CEP295: variants seen among roughly 807,000 people sequenced by gnomAD.
The protein encoded by CEP295 is centrosomal protein 295.
CEP295 carries 190 observed loss-of-function variants against 291.6 expected under a neutral mutation model. The observed-to-expected ratio is 0.65, with a 90% CI of 0.58 to 0.73. The LOEUF (loss-of-function observed/expected upper bound fraction) is 0.73. Among genes scored for constraint, CEP295 ranks in the 30% least tolerant of loss-of-function variants. CEP295 has a pLI of 0.00. For synonymous variants in CEP295, 993 were observed against 1,038.8 expected (o/e 0.96, Z 0.85); for missense variants, 2,863 against 2,949.4 (o/e 0.97, Z 0.68).
intron 7 of CEP295, among the ~76,000 whole-genome samples, chr11:93,682,068 T>C (rs1951002591): frequency 6.6e-6 from 1 of 152,140 alleles, no homozygotes; most frequent in African/African-American, 2.4e-5. Context: ...CAAACAACTT[T>C]AGATAATTAG....
At chr11:93,721,180 AAC>A in intron 18 of CEP295, 130 bp from the exon 19 acceptor site, 1 of 619,940 alleles carries the variant, frequency 1.6e-6, no homozygotes. Context: ...AAGACAAGAC[AAC>A]TTTAAGAAGC....
chr11:93,728,647 T>G, intron 24 of CEP295, 34 bp from the exon 25 acceptor site: 1 of 1,502,354 alleles, frequency 6.7e-7, no homozygotes. Flanking sequence ...TAAGGCTATT[T>G]TGACATGGTT....
At chr11:93,665,535 C>A (rs1467974883) in intron 1 of CEP295, among the ~76,000 whole-genome samples, 1 of 152,012 alleles carries the variant, frequency 6.6e-6, no homozygotes, top group East Asian at 1.9e-4. Flanking sequence ...TGGTGAACCC[C>A]TGTCTCTACT....
intron 12 of CEP295, among the ~76,000 whole-genome samples, chr11:93,694,042 T>A (rs1951730339): frequency 6.6e-6 from 1 of 152,178 alleles, no homozygotes; most frequent in African/African-American, 2.4e-5. Flanking sequence ...GGGGCTCCTA[T>A]GAGTAAGGGA....
intron 13 of CEP295, among the ~76,000 whole-genome samples, chr11:93,696,020 C>CT (rs1003249725): frequency 1.2e-4 from 19 of 152,066 alleles, no homozygotes; most frequent in African/African-American, 4.3e-4. Flanking sequence ...CTTATTTGGT[C>CT]TTTTTTTGAT....
intron 19 of CEP295, 144 bp from the exon 20 acceptor site, chr11:93,721,810 A>G (rs1195550355): frequency 2.7e-6 from 2 of 728,320 alleles, no homozygotes; most frequent in Admixed American, 3.7e-5. Context: ...CAATGATGAA[A>G]AGGTTTTACT....
At chr11:93,688,160 G>T (rs1014976608) in intron 10 of CEP295, among the ~76,000 whole-genome samples, 2 of 152,104 alleles carry the variant, frequency 1.3e-5, no homozygotes, top group African/African-American at 4.8e-5. Flanking sequence ...TTGTGCTACA[G>T]TGGGCATCCT....
At chr11:93,729,145 T>A in intron 25 of CEP295, 1 of 498,566 alleles carries the variant, frequency 2.0e-6, no homozygotes, top group South Asian at 3.3e-5. Flanking sequence ...AACTGGTAAT[T>A]TTACTAGGGG....
chr11:93,727,757 G>T (rs1954266926), intron 24 of CEP295, 120 bp downstream of exon 24: 1 of 757,588 alleles, frequency 1.3e-6, no homozygotes, highest in Non-Finnish European at 2.1e-6. Context: ...CAAACTCCTA[G>T]GATCAAGGGA....
intron 17 of CEP295, among the ~76,000 whole-genome samples, chr11:93,703,886 A>G (rs1952349154): frequency 6.7e-6 from 1 of 149,540 alleles, no homozygotes; most frequent in African/African-American, 2.5e-5. Context: ...CTCCTGCCTC[A>G]GCCTCCCGAG....
intron 5 of CEP295, among the ~76,000 whole-genome samples, chr11:93,674,390 CTG>C (rs1950590859): frequency 1.3e-5 from 2 of 152,130 alleles, no homozygotes; most frequent in African/African-American, 2.4e-5. Flanking sequence ...CCCTCCCAAC[CTG>C]TGTTGCATTT....
At position 93,729,255 on chromosome 11, in the gene CEP295, C is replaced by T. The variant is rs969617375; in HGVS notation, c.7303-179C>T. The T allele has an allele frequency of 1.6e-5, 10 of 611,658 alleles. No homozygotes were observed. The Admixed American group carries it at 2.6e-4, about 16-fold the overall frequency. The allele number at this position is 611,658 out of a possible 1,614,324, so 37.9% of individuals were successfully genotyped here. On this transcript the variant is annotated intron_variant, in intron 25 of 29. Coordinates refer to ENST00000325212, the MANE Select transcript of CEP295 (RefSeq NM_033395.2). ...TTCAAGACCAGCCTGGGCAACAAGGCAAAACCCAATCCCTACAAAAAATAC... is the reference window on the plus strand; with the variant it reads ...TTCAAGACCAGCCTGGGCAACAAGGTAAAACCCAATCCCTACAAAAAATAC...
chr11:93,696,252 G>A (rs531001979), intron 13 of CEP295, 68 bp from the exon 14 acceptor site: 1 of 847,074 alleles, frequency 1.2e-6, no homozygotes, highest in South Asian at 1.6e-5. Context: ...TTATAGAACT[G>A]TATGTAAAAA....
chr11:93,714,534 C>A (rs939523296), intron 18 of CEP295, among the ~76,000 whole-genome samples: 59 of 152,244 alleles, frequency 3.9e-4, no homozygotes, highest in African/African-American at 1.4e-3. Context: ...CAGGCGTGAG[C>A]CACCATGCCC....
At chr11:93,705,098 ACT>A (rs1257798733) in intron 17 of CEP295, among the ~76,000 whole-genome samples, 2 of 151,664 alleles carry the variant, frequency 1.3e-5, no homozygotes, top group South Asian at 2.1e-4. Context: ...CTGTCTTTCC[ACT>A]CTCTACTACT....
In CEP295 at chr11:93,729,673, A is replaced by G. The variant is rs1938116429; in HGVS notation, c.7459A>G (p.Lys2487Glu). The G allele has an allele frequency of 3.9e-6, 6 of 1,551,028 alleles. No individual in the cohort carries two copies. The highest frequency in any genetic ancestry group is 5.2e-6 in the Non-Finnish European group (6 of 1,146,684). Residue 2487 changes from lysine (K) to glutamate (E), a missense_variant, in exon 27 of 30, where the codon AAA becomes GAA. Transcript: ENST00000325212. ...GSLQEAFIKR[K>E]KSFMERSHQR... ...CTTACAAGAAGCATTTATAAAGAGG[A>G]AAAAATCATTTATGGAGAGATCCCA...
intron 18 of CEP295, among the ~76,000 whole-genome samples, chr11:93,715,544 C>T (rs1400010312): frequency 6.6e-6 from 1 of 152,020 alleles, no homozygotes; most frequent in African/African-American, 2.4e-5. Context: ...CTCTGCTTTT[C>T]TCAAGCAGAA....
At chr11:93,696,172 A>G in intron 13 of CEP295, 148 bp from the exon 14 acceptor site, 1 of 588,130 alleles carries the variant, frequency 1.7e-6, no homozygotes, top group Non-Finnish European at 3.0e-6. Flanking sequence ...AGAATGACAG[A>G]TTAGTTCATT....
intron 25 of CEP295, chr11:93,729,111 G>A (rs956729621): frequency 2.2e-5 from 11 of 492,482 alleles, no homozygotes; most frequent in Middle Eastern, 5.4e-4. Flanking sequence ...CTTATTCCCA[G>A]ATATTGAAAA....
Sources: gnomAD v4.1 joint callset for allele counts (sites outside exome capture counted in the v4.1 genomes callset) on GRCh38, gnomAD v4.1.1 for gene constraint, MANE v1.5 for transcripts, NCBI Gene and HGNC (gene_info 2026-07-23, HGNC 2026-07-21) for gene names.